Variants in PEX5L observed in about 807,000 individuals in gnomAD.
PEX5L encodes the protein peroxisomal biogenesis factor 5 like.
In PEX5L, 30 loss-of-function variants were observed where a neutral mutation model predicts 84.0. The observed-to-expected ratio is 0.36, with a 90% CI of 0.27 to 0.48. PEX5L has a LOEUF of 0.48. PEX5L is among the 20% of genes least tolerant of loss of function. The pLI is 0.99. For synonymous variants in PEX5L, 270 were observed against 283.1 expected (o/e 0.95, Z 0.46); for missense variants, 533 against 754.6 (o/e 0.71, Z 3.44).
intron 4 of PEX5L, among the ~76,000 whole-genome samples, chr3:179,884,086 A>G (rs529924692): frequency 1.3e-5 from 2 of 152,296 alleles, no homozygotes; most frequent in East Asian, 1.9e-4. Context: ...AAGGTATTCT[A>G]ATTTTACATA....
At chr3:179,892,287 A>G (rs984232373) in intron 3 of PEX5L, among the ~76,000 whole-genome samples, 2 of 152,088 alleles carry the variant, frequency 1.3e-5, no homozygotes, top group Non-Finnish European at 2.9e-5. Flanking sequence ...ACAGATTCTT[A>G]TTTCTCTTTC....
At chr3:179,805,146 C>CT (rs777171015) in intron 14 of PEX5L, among the ~76,000 whole-genome samples, 3,696 of 86,360 alleles carry the variant, frequency 0.043, 151 homozygotes, top group African/African-American at 0.068. Context: ...ACTCGATGGT[C>CT]TTTTTTTTTT....
At chr3:179,831,334 A>AC (rs1447010223) in intron 8 of PEX5L, among the ~76,000 whole-genome samples, 16 of 152,062 alleles carry the variant, frequency 1.1e-4, no homozygotes, top group African/African-American at 3.9e-4. Context: ...AAAAAAAAAA[A>AC]ACCTACAAGA....
rs1466594390 is a variant in PEX5L, at chr3:179,796,297, C to T, written c.*5531G>A. On this transcript the variant is annotated 3_prime_UTR_variant, in exon 15 of 15. Transcript: ENST00000467460. ...TGAGTGCAGGCTTCTATTAAGTATC[C>T]CACGGAGCTCATCAGGGTTTTGCTC... 5.3e-5 allele frequency: 8 copies of T among 152,048 alleles called. No homozygotes were observed. The highest frequency in any genetic ancestry group is 1.0e-4 in the Non-Finnish European group (7 of 68,022). 9.4% of individuals were successfully genotyped at this position (152,048 alleles called of 1,614,324 possible). A position where few individuals can be genotyped will look rare whatever the true frequency, so the allele number is the denominator to read the frequency against.
chr3:179,932,828 A>G (rs538543875), intron 2 of PEX5L, among the ~76,000 whole-genome samples: 1 of 152,336 alleles, frequency 6.6e-6, no homozygotes, highest in East Asian at 1.9e-4. Flanking sequence ...TAAGTTAGTT[A>G]ACATATGCAT....
intron 1 of PEX5L, among the ~76,000 whole-genome samples, chr3:179,994,025 A>G (rs1787624127): frequency 1.3e-5 from 2 of 152,228 alleles, no homozygotes; most frequent in Admixed American, 1.3e-4. Flanking sequence ...AAAATTTAAT[A>G]TATTATGAGC....
intron 8 of PEX5L, among the ~76,000 whole-genome samples, chr3:179,837,348 C>A (rs1434286610): frequency 6.6e-6 from 1 of 152,166 alleles, no homozygotes; most frequent in Non-Finnish European, 1.5e-5. Flanking sequence ...CTACTGTGAA[C>A]AGCTTTTCCC....
At chr3:179,962,906 CCT>C (rs1271844264) in intron 2 of PEX5L, among the ~76,000 whole-genome samples, 4 of 152,090 alleles carry the variant, frequency 2.6e-5, no homozygotes, top group Non-Finnish European at 5.9e-5. Flanking sequence ...AGCACTTCTC[CCT>C]ATTAGATTAA....
intron 1 of PEX5L, among the ~76,000 whole-genome samples, chr3:179,998,338 G>A (rs1353494479): frequency 6.6e-6 from 1 of 152,160 alleles, no homozygotes; most frequent in East Asian, 1.9e-4. Flanking sequence ...TTTGGAGTGG[G>A]GTCCAGAACA....
chr3:179,844,722 C>T (rs866506837), intron 8 of PEX5L, among the ~76,000 whole-genome samples: 2 of 152,010 alleles, frequency 1.3e-5, no homozygotes, highest in Non-Finnish European at 2.9e-5. Flanking sequence ...CCCAGCTACT[C>T]GGGAGGCTGA....
At chr3:179,835,680 T>G (rs1490415266) in intron 8 of PEX5L, among the ~76,000 whole-genome samples, 1 of 152,244 alleles carries the variant, frequency 6.6e-6, no homozygotes, top group Non-Finnish European at 1.5e-5. Context: ...CAGGGATAAT[T>G]GTAGTCCCAC....
intron 1 of PEX5L, among the ~76,000 whole-genome samples, chr3:180,011,296 A>T (rs903553980): frequency 6.6e-6 from 1 of 152,232 alleles, no homozygotes; most frequent in African/African-American, 2.4e-5. Flanking sequence ...TTTGTTGCTA[A>T]GAGAAAAGCT....
chr3:179,920,098 A>G (rs1206072380), intron 2 of PEX5L, among the ~76,000 whole-genome samples: 1 of 152,166 alleles, frequency 6.6e-6, no homozygotes, highest in African/African-American at 2.4e-5. Context: ...AAACAACAAG[A>G]AGGAGGTGTT....
At chr3:179,803,975 C>T (rs1720141843) in intron 14 of PEX5L, 1 of 152,038 alleles carries the variant, frequency 6.6e-6, no homozygotes, top group African/African-American at 2.4e-5. Flanking sequence ...CCTTTTTGCC[C>T]CCACTTCACA....
In PEX5L at chr3:179,880,137, A is replaced by G. The variant is rs1284234823; in HGVS notation, c.311-14T>C. 6.5e-7 allele frequency: 1 copy of G among 1,548,258 alleles called. No individual in the cohort carries two copies. Among genetic ancestry groups the G allele is most frequent in the Non-Finnish European group, 8.8e-7 (1 of 1,137,640 alleles). ...CAGTGGTCAATACTACCAGAAATGG[A>G]AGAGGTTAAGATAAGCCCATTTACT... is the stretch of plus-strand genomic sequence containing the variant. On this transcript the variant is annotated splice_polypyrimidine_tract_variant and intron_variant, in intron 4 of 14. Coordinates refer to ENST00000467460, the MANE Select transcript of PEX5L (RefSeq NM_016559.3).
Position 179,853,914 on chromosome 3 carries a change from C to T in PEX5L, c.822+5148G>A, listed in dbSNP as rs149913441. 4.8e-3 allele frequency among the ~76,000 whole-genome samples: 724 copies of T among 151,054 alleles called. 3 individuals are homozygous for T. Among genetic ancestry groups the T allele is most frequent in the Non-Finnish European group, 7.4e-3 (503 of 67,654 alleles). On this transcript the variant is annotated intron_variant, in intron 8 of 14. Coordinates refer to ENST00000467460, the MANE Select transcript of PEX5L (RefSeq NM_016559.3). ...GTAGCCTCTACATCCTGGGCTCAAG[C>T]GATCCTCCCACCTCAGCCTCCTGAG...
At chr3:179,868,072 G>A (rs529748441) in intron 7 of PEX5L, among the ~76,000 whole-genome samples, 26 of 143,478 alleles carry the variant, frequency 1.8e-4, no homozygotes, top group South Asian at 8.8e-4. Context: ...TTAGAGATGG[G>A]GTTTCACTAT....
intron 11 of PEX5L, among the ~76,000 whole-genome samples, chr3:179,811,464 AT>A (rs951039515): frequency 3.3e-5 from 5 of 151,838 alleles, no homozygotes; most frequent in South Asian, 2.1e-4. Context: ...TACTCCACTT[AT>A]TTTTTTTGAA....
intron 7 of PEX5L, among the ~76,000 whole-genome samples, chr3:179,863,712 C>G (rs988386443): frequency 6.6e-6 from 1 of 151,980 alleles, no homozygotes; most frequent in South Asian, 2.1e-4. Context: ...AGAAAAGAAC[C>G]CTTGTAAACT....
Sources: allele counts gnomAD v4.1 joint callset (sites outside exome capture counted in the v4.1 genomes callset), GRCh38; gene constraint gnomAD v4.1.1; transcripts MANE v1.5; gene names NCBI Gene and HGNC (gene_info 2026-07-23, HGNC 2026-07-21).